AGPAT4: variants seen among roughly 807,000 people sequenced by gnomAD.
AGPAT4 encodes 1-acylglycerol-3-phosphate O-acyltransferase 4.
A neutral mutation model predicts 48.0 loss-of-function variants in AGPAT4; 15 were observed. That is an observed-to-expected ratio of 0.31 (90% CI 0.21 to 0.48). AGPAT4 has a LOEUF of 0.48. Ranked by LOEUF, AGPAT4 falls within the 20% of genes least tolerant of loss-of-function variation. AGPAT4 has a pLI of 0.99. For missense variants in AGPAT4, 314 were observed against 482.5 expected (o/e 0.65, Z 3.27); for synonymous variants, 178 against 198.7 (o/e 0.90, Z 0.88).
Position 161,214,892 on chromosome 6 carries a change from C to T in AGPAT4, c.178+17144G>A, listed in dbSNP as rs907875318. On this transcript the variant is annotated intron_variant, in intron 2 of 8. Coordinates refer to ENST00000320285, the MANE Select transcript of AGPAT4 (RefSeq NM_020133.3). The surrounding 1 kb of genome is among the most constrained non-coding windows in gnomAD (Gnocchi z 5.4). Reference sequence around the variant, plus strand: ...CTGCCTGAAAAGTCATTATGGGGCACGTGACTATATTTCAAAACTATCTAC... The same window carrying T: ...CTGCCTGAAAAGTCATTATGGGGCATGTGACTATATTTCAAAACTATCTAC... Among the ~76,000 whole-genome samples the T allele has an allele frequency of 7.9e-5, 12 of 152,260 alleles. No homozygotes were observed. In the East Asian group the frequency reaches 9.6e-4, roughly 12 times the overall value.
intron 2 of AGPAT4, among the ~76,000 whole-genome samples, chr6:161,187,096 GAAT>G (rs1369930554): frequency 6.6e-6 from 1 of 152,154 alleles, no homozygotes; most frequent in Admixed American, 6.6e-5. Flanking sequence ...TGTAAAAATG[GAAT>G]AATATGATAA....
At chr6:161,172,292 C>G (rs1217794433) in intron 2 of AGPAT4, among the ~76,000 whole-genome samples, 2 of 152,230 alleles carry the variant, frequency 1.3e-5, no homozygotes, top group Non-Finnish European at 2.9e-5. Flanking sequence ...GATTCTGGGT[C>G]TTGCCCTTTA....
rs1314188840 is a variant in AGPAT4 at position 161,136,072 on chromosome 6, G to A, written c.*468C>T. The A allele has an allele frequency of 1.1e-5, 2 of 175,154 alleles. No homozygotes were observed. Among genetic ancestry groups the A allele is most frequent in the Non-Finnish European group, 2.4e-5 (2 of 82,470 alleles). The allele number at this position is 175,154 out of a possible 1,614,324, so 10.8% of individuals were successfully genotyped here. ...GCGGTCCATGTCAACATACACCACA[G>A]ATGACCCAGAAAAGCACTTTAATTT... On this transcript the variant is annotated 3_prime_UTR_variant, in exon 9 of 9. Transcript: ENST00000320285.
Position 161,165,821 on chromosome 6 carries a change from G to C in AGPAT4, c.348+427C>G. 1.7e-6 allele frequency: 1 copy of C among 593,400 alleles called. No homozygotes were observed. The highest frequency in any genetic ancestry group is 3.1e-6 in the Non-Finnish European group (1 of 323,098). The allele number at this position is 593,400 out of a possible 1,614,324, so 36.8% of individuals were successfully genotyped here. On this transcript the variant is annotated intron_variant, in intron 3 of 8. Coordinates refer to ENST00000320285, the MANE Select transcript of AGPAT4 (RefSeq NM_020133.3). This position sits in a 1 kb window ranked among gnomAD's most constrained non-coding sequence, Gnocchi z 5.5. Reference sequence around the variant, plus strand: ...TTAAGCCTTCAACGATCAAAATGCAGAGGTGATGTCTGCCTGTTAGCCAAG... The same window carrying C: ...TTAAGCCTTCAACGATCAAAATGCACAGGTGATGTCTGCCTGTTAGCCAAG...
Position 161,206,102 on chromosome 6 carries a change from C to T in AGPAT4, c.178+25934G>A, listed in dbSNP as rs1190805346. 5.3e-5 allele frequency among the ~76,000 whole-genome samples: 8 copies of T among 152,094 alleles called. No homozygotes were observed. Among genetic ancestry groups the T allele is most frequent in the Non-Finnish European group, 1.0e-4 (7 of 68,022 alleles). ...AAAAAGCCCCAAGAAAAGCCTGCTCCCTCCAGCTAAAGGATCAGGGAAGTG... is the reference window on the plus strand; with the variant it reads ...AAAAAGCCCCAAGAAAAGCCTGCTCTCTCCAGCTAAAGGATCAGGGAAGTG... On this transcript the variant is annotated intron_variant, in intron 2 of 8. Coordinates refer to ENST00000320285, the MANE Select transcript of AGPAT4 (RefSeq NM_020133.3). This position sits in a 1 kb window ranked among gnomAD's most constrained non-coding sequence, Gnocchi z 4.8.
Position 161,161,056 on chromosome 6 carries a change from G to A in AGPAT4, c.348+5192C>T, listed in dbSNP as rs938135608. ...ACAGTTCATGGGATGATACCAAGTC[G>A]GTGTACAGCAGACAGCACAGGCTGT... is the stretch of plus-strand genomic sequence containing the variant. On this transcript the variant is annotated intron_variant, in intron 3 of 8. Coordinates refer to ENST00000320285, the MANE Select transcript of AGPAT4 (RefSeq NM_020133.3). This position sits in a 1 kb window ranked among gnomAD's most constrained non-coding sequence, Gnocchi z 4.6. 4.6e-5 allele frequency: 21 copies of A among 456,580 alleles called. No individual in the cohort carries two copies. The highest frequency in any genetic ancestry group is 4.0e-4 in the Admixed American group (17 of 42,566). 28.3% of individuals were successfully genotyped at this position (456,580 alleles called of 1,614,324 possible). A position where few individuals can be genotyped will look rare whatever the true frequency, so the allele number is the denominator to read the frequency against.
chr6:161,220,637 C>T lies in AGPAT4; in HGVS notation c.178+11399G>A, dbSNP rs9456643. Among the ~76,000 whole-genome samples, 732 of 152,288 alleles carry T rather than the reference C, an allele frequency of 4.8e-3. 5 individuals carry two copies. The highest frequency in any genetic ancestry group is 8.0e-3 in the Non-Finnish European group (542 of 68,018). ...TTGCAAAATGGGTAGGCAATGCCCCCACCTGATTTGTGACGGGTGTCCCTC... is the reference window on the plus strand; with the variant it reads ...TTGCAAAATGGGTAGGCAATGCCCCTACCTGATTTGTGACGGGTGTCCCTC... On this transcript the variant is annotated intron_variant, in intron 2 of 8. Coordinates refer to ENST00000320285, the MANE Select transcript of AGPAT4 (RefSeq NM_020133.3). This position sits in a 1 kb window ranked among gnomAD's most constrained non-coding sequence, Gnocchi z 6.0.
At position 161,141,588 on chromosome 6, in the gene AGPAT4, T is replaced by TA. The variant is rs1318178798; in HGVS notation, c.844-1969_844-1968insT. The stretch of plus-strand genomic sequence containing the variant: ...TGATATTTTTGTGCCTTGTTTTTTT[T>TA]TAAAAAAAAAACAGCTTTCTTAAGA... On this transcript the variant is annotated intron_variant, in intron 7 of 8. Coordinates refer to ENST00000320285, the MANE Select transcript of AGPAT4 (RefSeq NM_020133.3). The surrounding 1 kb of genome is among the most constrained non-coding windows in gnomAD (Gnocchi z 6.7). 5.7e-4 allele frequency among the ~76,000 whole-genome samples: 86 copies of TA among 150,764 alleles called. No homozygotes were observed. The highest frequency in any genetic ancestry group is 3.4e-3 in the Middle Eastern group (1 of 292).
At position 161,240,257 on chromosome 6, in the gene AGPAT4, CACACACACACTT is replaced by C. The variant is rs1297505221; in HGVS notation, c.-89-7967_-89-7956del. Among the ~76,000 whole-genome samples, 1 of 146,170 alleles carries C rather than the reference CACACACACACTT, an allele frequency of 6.8e-6. No individual in the cohort carries two copies. The highest frequency in any genetic ancestry group is 2.6e-5 in the African/African-American group (1 of 38,158). ...ACACACACACACACACACACACACA[CACACACACACTT>C]AAACAAGTCTGTCCACCTGGAAGCC... is the stretch of plus-strand genomic sequence containing the variant. On this transcript the variant is annotated intron_variant, in intron 1 of 8. Transcript: ENST00000320285. The surrounding 1 kb of genome is among the most constrained non-coding windows in gnomAD (Gnocchi z 5.5).
At chr6:161,187,859 T>TA (rs1391121776) in intron 2 of AGPAT4, among the ~76,000 whole-genome samples, 5 of 152,168 alleles carry the variant, frequency 3.3e-5, no homozygotes, top group African/African-American at 1.2e-4. Flanking sequence ...TTTTTTATTT[T>TA]AAAAGCACCA....
At position 161,236,975 on chromosome 6, in the gene AGPAT4, G is replaced by T. The variant is rs1782299012; in HGVS notation, c.-89-4673C>A. ...TGAGTCCCAGACAAACCACAACCTA[G>T]TGAACTAAGGCAACATGCAAAAGGG... On this transcript the variant is annotated intron_variant, in intron 1 of 8. Coordinates refer to ENST00000320285, the MANE Select transcript of AGPAT4 (RefSeq NM_020133.3). This position sits in a 1 kb window ranked among gnomAD's most constrained non-coding sequence, Gnocchi z 5.0. Among the ~76,000 whole-genome samples the T allele has an allele frequency of 6.6e-6, 1 of 152,152 alleles. No homozygotes were observed. The highest frequency in any genetic ancestry group is 1.5e-5 in the Non-Finnish European group (1 of 68,034).
At position 161,198,974 on chromosome 6, in the gene AGPAT4, T is replaced by C. The variant is rs1035398307; in HGVS notation, c.179-32557A>G. ...TTTTTGAAGCCCTAAGATTTGCTTG[T>C]TGAAATTCATGATGCAATAAGCCTT... On this transcript the variant is annotated intron_variant, in intron 2 of 8. Coordinates refer to ENST00000320285, the MANE Select transcript of AGPAT4 (RefSeq NM_020133.3). The surrounding 1 kb of genome is among the most constrained non-coding windows in gnomAD (Gnocchi z 4.3). 2.0e-5 allele frequency among the ~76,000 whole-genome samples: 3 copies of C among 152,186 alleles called. No individual in the cohort carries two copies. Among genetic ancestry groups the C allele is most frequent in the African/African-American group, 7.2e-5 (3 of 41,450 alleles).
At position 161,271,162 on chromosome 6, in the gene AGPAT4, C is replaced by T. The variant is rs78213302; in HGVS notation, c.-90+2776G>A. ...TTTCAACCAGCACAGAGTATACCTG[C>T]TCTACTTCTATACTAAAGACTGACT... On this transcript the variant is annotated intron_variant, in intron 1 of 8. Transcript: ENST00000320285. Among the ~76,000 whole-genome samples the T allele has an allele frequency of 8.4e-3, 1,280 of 152,288 alleles. 22 individuals carry two copies. The highest frequency in any genetic ancestry group is 0.029 in the African/African-American group (1,220 of 41,566).
In AGPAT4 at chr6:161,222,672, T is replaced by C. The variant is rs1316321153; in HGVS notation, c.178+9364A>G. Among the ~76,000 whole-genome samples the C allele has an allele frequency of 1.3e-5, 2 of 152,158 alleles. No homozygotes were observed. The highest frequency in any genetic ancestry group is 2.9e-5 in the Non-Finnish European group (2 of 68,004). On this transcript the variant is annotated intron_variant, in intron 2 of 8. Coordinates refer to ENST00000320285, the MANE Select transcript of AGPAT4 (RefSeq NM_020133.3). The surrounding 1 kb of genome is among the most constrained non-coding windows in gnomAD (Gnocchi z 5.9). ...AAAAATAAATCTTGAAGTAAACCGA[T>C]GGTCACAATTATTGAAATTTCTGAG...
chr6:161,242,650 G>A lies in AGPAT4; in HGVS notation c.-89-10348C>T, dbSNP rs138437018. On this transcript the variant is annotated intron_variant, in intron 1 of 8. Coordinates refer to ENST00000320285, the MANE Select transcript of AGPAT4 (RefSeq NM_020133.3). The surrounding 1 kb of genome is among the most constrained non-coding windows in gnomAD (Gnocchi z 5.0). ...GAGGCATATTTTAAAATTATGCTCA[G>A]TCTGTGAAGTCTCCAAAAAATTTTA... 2.6e-3 allele frequency among the ~76,000 whole-genome samples: 403 copies of A among 152,286 alleles called. 7 individuals are homozygous for A. The highest frequency in any genetic ancestry group is 9.3e-3 in the African/African-American group (385 of 41,534).
At position 161,161,983 on chromosome 6, in the gene AGPAT4, A is replaced by G. The variant is rs1057367120; in HGVS notation, c.348+4265T>C. 10 of 166,608 alleles carry G rather than the reference A, an allele frequency of 6.0e-5. No homozygotes were observed. The highest frequency in any genetic ancestry group is 2.4e-4 in the African/African-American group (10 of 41,998). 10.3% of individuals were successfully genotyped at this position (166,608 alleles called of 1,614,324 possible). A position where few individuals can be genotyped will look rare whatever the true frequency, so the allele number is the denominator to read the frequency against. ...TTTCATTTGTTTTATTTATTGATTTATGTTTATAGAGACAGAGATCTCACT... is the reference window on the plus strand; with the variant it reads ...TTTCATTTGTTTTATTTATTGATTTGTGTTTATAGAGACAGAGATCTCACT... On this transcript the variant is annotated intron_variant, in intron 3 of 8. Coordinates refer to ENST00000320285, the MANE Select transcript of AGPAT4 (RefSeq NM_020133.3). The surrounding 1 kb of genome is among the most constrained non-coding windows in gnomAD (Gnocchi z 4.6).
intron 8 of AGPAT4, among the ~76,000 whole-genome samples, chr6:161,136,946 C>A (rs775250076): frequency 2.6e-5 from 4 of 152,188 alleles, no homozygotes; most frequent in African/African-American, 4.8e-5. Context: ...CTCTGCTGAC[C>A]CCCAGGTAAA....
chr6:161,248,418 CA>C (rs36044525), intron 1 of AGPAT4, among the ~76,000 whole-genome samples: 32,274 of 151,568 alleles, frequency 0.21, 3,679 homozygotes, highest in Admixed American at 0.32. Flanking sequence ...ACTAAAAATA[CA>C]AAAAATTAGC....
chr6:161,205,113 T>G (rs1490284128), intron 2 of AGPAT4, among the ~76,000 whole-genome samples: 1 of 152,146 alleles, frequency 6.6e-6, no homozygotes, highest in Non-Finnish European at 1.5e-5. Flanking sequence ...GCCGTTTTGC[T>G]CAGAGTCAAA....
Sources: allele counts gnomAD v4.1 joint callset (sites outside exome capture counted in the v4.1 genomes callset), GRCh38; gene constraint gnomAD v4.1.1; non-coding constraint Gnocchi (gnomAD v3.1); transcripts MANE v1.5; gene names NCBI Gene and HGNC (gene_info 2026-07-23, HGNC 2026-07-21).